The following GUCY2F variants were observed in gnomAD, a reference collection of about 807,000 sequenced individuals.
The protein encoded by GUCY2F is guanylate cyclase 2F, retinal.
Under a neutral mutation model 73.1 loss-of-function variants are expected in GUCY2F, and 61 were observed. The observed-to-expected ratio is 0.83, with a 90% CI of 0.68 to 1.03. GUCY2F has a LOEUF of 1.03. GUCY2F is among the 50% of genes least tolerant of loss of function. The pLI, the probability that GUCY2F is intolerant of heterozygous loss-of-function variation, is 0.00. For synonymous variants in GUCY2F, 331 were observed against 307.8 expected, an observed-to-expected ratio of 1.08 and a Z score of -0.79; for missense variants, 912 against 854.3, an observed-to-expected ratio of 1.07 and a Z score of -0.84.
At position 109,429,840 on chromosome X, in the gene GUCY2F, T is replaced by C. The variant is rs913842902; in HGVS notation, c.1791+467A>G. On this transcript the variant is annotated intron_variant, in intron 8 of 19. Transcript: ENST00000218006. ...GTGGGATTAGGGAAATAACCACTTT[T>C]CAAATAGAAATTACCAGGTGACTGG... is the stretch of plus-strand genomic sequence containing the variant. 5.3e-5 allele frequency among the ~76,000 whole-genome samples: 6 copies of C among 112,156 alleles called. No homozygotes were observed. In the South Asian group the frequency reaches 2.3e-3, roughly 42 times the overall value.
intron 8 of GUCY2F, among the ~76,000 whole-genome samples, chrX:109,425,682 C>G (rs1481844107): frequency 1.8e-5 from 2 of 109,700 alleles, no homozygotes; most frequent in Non-Finnish European, 3.8e-5. Flanking sequence ...AGATAAACGA[C>G]TACAAATTGG....
Position 109,404,392 on chromosome X carries a change from T to C in GUCY2F, c.2061A>G (p.Thr687=). The change falls in exon 10 of 20, where the codon ACA becomes ACG. Residue 687 remains threonine, a synonymous_variant. Coordinates refer to ENST00000218006, the MANE Select transcript of GUCY2F (RefSeq NM_001522.3). ...CTAAGATGTCGTTAAAGCCATAATC[T>C]GTCACTTTTAGTACAAAACGCCCAT... ...VVDGRFVLKV[T]DYGFNDILEM... 1 of 1,193,187 alleles carries C rather than the reference T, an allele frequency of 8.4e-7. No homozygotes were observed. Among genetic ancestry groups the C allele is most frequent in the South Asian group, 1.8e-5 (1 of 56,441 alleles).
intron 2 of GUCY2F, among the ~76,000 whole-genome samples, chrX:109,465,814 C>T (rs766863334): frequency 3.6e-5 from 4 of 112,233 alleles, no homozygotes; most frequent in South Asian, 3.7e-4. Context: ...CTCTCTGTCT[C>T]GTCCATAAAA....
intron 7 of GUCY2F, among the ~76,000 whole-genome samples, chrX:109,430,659 C>T (rs1376652998): frequency 2.7e-5 from 3 of 112,256 alleles, no homozygotes; most frequent in Non-Finnish European, 5.6e-5. Context: ...AATGATACCA[C>T]TCTTTGCAAA....
chrX:109,445,824 A>G (rs1357888084), intron 6 of GUCY2F, among the ~76,000 whole-genome samples: 1 of 111,859 alleles, frequency 8.9e-6, no homozygotes, highest in Non-Finnish European at 1.9e-5. Context: ...GGAAAAGAGG[A>G]AGTCAAATTG....
At chrX:109,478,277 G>C (rs1932735403) in intron 1 of GUCY2F, among the ~76,000 whole-genome samples, 1 of 112,506 alleles carries the variant, frequency 8.9e-6, no homozygotes, top group Non-Finnish European at 1.9e-5. Flanking sequence ...TTCTCTTCCA[G>C]CTTCTTCCAG....
At chrX:109,391,792 AT>A in intron 14 of GUCY2F, 118 bp downstream of exon 14, 1 of 413,550 alleles carries the variant, frequency 2.4e-6, no homozygotes, top group Non-Finnish European at 4.0e-6. Context: ...GTACTATTTA[AT>A]TTGTTATTCC....
rs759649311 is a variant in GUCY2F at position 109,375,912 on chromosome X, C to G, written c.3314G>C (p.Arg1105Thr). 8.3e-7 allele frequency: 1 copy of G among 1,205,549 alleles called. No homozygotes were observed. Reference protein sequence around the residue: ...QRRKAERQLVRNKP With the variant: ...QRRKAERQLVTNKP ...CTGGCCATTACCTTATGGCTTGTTTCTCACCAACTGCCTTTCTGCTTTTCT... is the reference window on the plus strand; with the variant it reads ...CTGGCCATTACCTTATGGCTTGTTTGTCACCAACTGCCTTTCTGCTTTTCT... Residue 1105 changes from arginine to threonine, a missense_variant, in exon 19 of 20, where the codon AGA becomes ACA. Transcript: ENST00000218006.
chrX:109,446,227 C>T (rs1932003984), intron 6 of GUCY2F, among the ~76,000 whole-genome samples: 1 of 111,842 alleles, frequency 8.9e-6, no homozygotes, highest in Non-Finnish European at 1.9e-5. Context: ...TCAGTGCCAT[C>T]CCCATCAAGC....
chrX:109,388,751 G>A (rs1236543394), intron 14 of GUCY2F, 88 bp from the exon 15 acceptor site: 4 of 572,398 alleles, frequency 7.0e-6, no homozygotes, highest in Non-Finnish European at 1.1e-5. Flanking sequence ...GAGGCCAGGT[G>A]GTCTTGTTGT....
rs1930626363 is a variant in GUCY2F, at chrX:109,393,567, G to A, written c.2425-512C>T. Among the ~76,000 whole-genome samples the A allele has an allele frequency of 3.6e-5, 4 of 111,471 alleles. 1 individual carries two copies. The highest frequency in any genetic ancestry group is 7.7e-4 in the South Asian group (2 of 2,605). On this transcript the variant is annotated intron_variant, in intron 12 of 19. Coordinates refer to ENST00000218006, the MANE Select transcript of GUCY2F (RefSeq NM_001522.3). Reference sequence around the variant, plus strand: ...CTCTTACAGAGGGCTCAAGATCCACGTGATAAAATCAACCCCTATTTCTTA... The same window carrying A: ...CTCTTACAGAGGGCTCAAGATCCACATGATAAAATCAACCCCTATTTCTTA...
At chrX:109,464,813 C>T (rs892356317) in intron 3 of GUCY2F, among the ~76,000 whole-genome samples, 1 of 112,662 alleles carries the variant, frequency 8.9e-6, no homozygotes, top group South Asian at 3.6e-4. Flanking sequence ...TAATTCAGAA[C>T]TTACACCACA....
At chrX:109,448,040 G>C (rs367622008) in intron 6 of GUCY2F, 29 bp downstream of exon 6, 18 of 698,658 alleles carry the variant, frequency 2.6e-5, no homozygotes, top group Non-Finnish European at 4.2e-5. Context: ...ATGTTGGACA[G>C]GGCAGCAAAA....
intron 19 of GUCY2F, among the ~76,000 whole-genome samples, chrX:109,375,168 AT>A (rs947400618): frequency 6.3e-5 from 6 of 94,981 alleles, no homozygotes; most frequent in African/African-American, 1.8e-4. Context: ...AGAAAGCAAG[AT>A]TTAAAAAAAA....
chrX:109,424,537 C>A (rs1265444789), intron 8 of GUCY2F, among the ~76,000 whole-genome samples: 3 of 110,586 alleles, frequency 2.7e-5, no homozygotes, highest in Non-Finnish European at 5.7e-5. Flanking sequence ...ATATATAACA[C>A]CAAGAGTTTA....
intron 7 of GUCY2F, among the ~76,000 whole-genome samples, chrX:109,432,253 C>A (rs946999483): frequency 2.9e-4 from 32 of 111,971 alleles, no homozygotes; most frequent in African/African-American, 9.8e-4. Context: ...TGGAACTCTC[C>A]TCACTCACAC....
In GUCY2F at chrX:109,403,998, C is replaced by T. The variant is rs142002385; in HGVS notation, c.2125+330G>A. The stretch of plus-strand genomic sequence containing the variant: ...GGGGGTCCAGCTTCCAAATTACTCT[C>T]CATTCAACTTGACAAGTATTTATTG... On this transcript the variant is annotated intron_variant, in intron 10 of 19. Transcript: ENST00000218006. Among the ~76,000 whole-genome samples the T allele has an allele frequency of 1.7e-3, 195 of 112,382 alleles. 1 individual carries two copies. Among genetic ancestry groups the T allele is most frequent in the Non-Finnish European group, 2.8e-3 (151 of 53,293 alleles).
rs146993172 is a variant in GUCY2F, at chrX:109,396,406, A to T, written c.2276-917T>A. On this transcript the variant is annotated intron_variant, in intron 11 of 19. Coordinates refer to ENST00000218006, the MANE Select transcript of GUCY2F (RefSeq NM_001522.3). ...CCCAGCAACCCACACTGGGGCCTCA[A>T]ACTGATCTCTCTGCTTCCAGCCTAC... 6.2e-3 allele frequency among the ~76,000 whole-genome samples: 689 copies of T among 111,407 alleles called. 3 individuals are homozygous for T. The highest frequency in any genetic ancestry group is 0.01 in the Non-Finnish European group (549 of 53,009).
intron 7 of GUCY2F, among the ~76,000 whole-genome samples, chrX:109,440,758 G>T (rs1399128427): frequency 8.9e-6 from 1 of 112,278 alleles, no homozygotes; most frequent in Non-Finnish European, 1.9e-5. Flanking sequence ...TAGTATCTTA[G>T]ATCAGGTGGT....
Sources: gnomAD v4.1 joint callset for allele counts (sites outside exome capture counted in the v4.1 genomes callset) on GRCh38, gnomAD v4.1.1 for gene constraint, MANE v1.5 for transcripts, NCBI Gene and HGNC (gene_info 2026-07-23, HGNC 2026-07-21) for gene names.